Variants in LCK observed in about 807,000 individuals in gnomAD.
LCK encodes the protein tyrosine-protein kinase Lck.
In LCK, 14 loss-of-function variants were observed where a neutral mutation model predicts 64.6. The observed-to-expected ratio is 0.22, with a 90% CI of 0.14 to 0.34. The LOEUF (loss-of-function observed/expected upper bound fraction) is 0.34, where lower values mean the gene tolerates loss of function less well. LCK is among the 10% of genes least tolerant of loss of function. The pLI, the probability that LCK is intolerant of heterozygous loss-of-function variation, is 1.00. For synonymous variants in LCK, 277 were observed against 263.6 expected (o/e 1.05, Z -0.49); for missense variants, 434 against 668.1 (o/e 0.65, Z 3.86).
At chr1:32,284,513 G>A (rs1191971924) in intron 12 of LCK, among the ~76,000 whole-genome samples, 1 of 151,760 alleles carries the variant, frequency 6.6e-6, no homozygotes, top group Admixed American at 6.6e-5. Flanking sequence ...GGGACTACAG[G>A]CGCATACCAC....
chr1:32,276,326 C>A lies in LCK; in HGVS notation c.632-11C>A. 6.4e-7 allele frequency: 1 copy of A among 1,551,332 alleles called. No homozygotes were observed. Among genetic ancestry groups the A allele is most frequent in the Non-Finnish European group, 8.7e-7 (1 of 1,151,364 alleles). Reference sequence around the variant, plus strand: ...CTATTGACAGCCTTCACCCCTCCCTCGTCCTCGCAGATGCTTCAGATGGGC... The same window carrying A: ...CTATTGACAGCCTTCACCCCTCCCTAGTCCTCGCAGATGCTTCAGATGGGC... On this transcript the variant is annotated splice_polypyrimidine_tract_variant and intron_variant, in intron 7 of 12. Transcript: ENST00000336890. The surrounding 1 kb of genome is among the most constrained non-coding windows in gnomAD (Gnocchi z 4.6).
At chr1:32,259,392 G>A (rs1350767469) in intron 1 of LCK, among the ~76,000 whole-genome samples, 1 of 151,794 alleles carries the variant, frequency 6.6e-6, no homozygotes, top group Non-Finnish European at 1.5e-5. Context: ...GGCCAATGCA[G>A]GCAGATCACT....
chr1:32,271,110 T>C (rs113522682), intron 1 of LCK, among the ~76,000 whole-genome samples: 5,240 of 149,968 alleles, frequency 0.035, 304 homozygotes, highest in African/African-American at 0.12. Flanking sequence ...AAGTGATCTT[T>C]TTGCCTCAGC....
chr1:32,253,679 G>A (rs1480437310), intron 1 of LCK, among the ~76,000 whole-genome samples: 1 of 152,188 alleles, frequency 6.6e-6, no homozygotes, highest in Admixed American at 6.5e-5. Flanking sequence ...TGCCCACTCA[G>A]CACCTTGGTG....
At position 32,254,907 on chromosome 1, in the gene LCK, G is replaced by T. The variant is rs1173904163; in HGVS notation, c.-6+3536G>T. On this transcript the variant is annotated intron_variant, in intron 1 of 12. Coordinates refer to ENST00000336890, the MANE Select transcript of LCK (RefSeq NM_005356.5). ...CTCGCACCTGTAATCCTAGCACTTT[G>T]GGGGGCCGTGATGGGAGGATCACAT... Among the ~76,000 whole-genome samples the T allele has an allele frequency of 2.0e-5, 3 of 152,180 alleles. No homozygotes were observed. In the East Asian group the frequency reaches 5.8e-4, roughly 29 times the overall value.
intron 1 of LCK, among the ~76,000 whole-genome samples, chr1:32,266,803 CT>C (rs1639935921): frequency 2.4e-5 from 1 of 42,042 alleles, no homozygotes; most frequent in East Asian, 9.2e-4. Flanking sequence ...CTTCCCCCTC[CT>C]CCCCCTCCCC....
intron 9 of LCK, among the ~76,000 whole-genome samples, chr1:32,278,062 C>A (rs1028509291): frequency 3.9e-5 from 6 of 152,072 alleles, no homozygotes; most frequent in Admixed American, 3.9e-4. Flanking sequence ...GCCTGTAGTC[C>A]CAGCTACTTG....
At chr1:32,284,261 T>G (rs1557591560) in intron 12 of LCK, among the ~76,000 whole-genome samples, 1 of 149,042 alleles carries the variant, frequency 6.7e-6, no homozygotes, top group Non-Finnish European at 1.5e-5. Context: ...GATATATATA[T>G]ATATATATAT....
intron 1 of LCK, among the ~76,000 whole-genome samples, chr1:32,257,436 C>T (rs2124306825): frequency 6.6e-6 from 1 of 151,616 alleles, no homozygotes; most frequent in Admixed American, 6.6e-5. Flanking sequence ...TTTTTTTGTA[C>T]CGACGGGGTT....
At chr1:32,273,178 TG>T (rs1156818844) in intron 1 of LCK, among the ~76,000 whole-genome samples, 1 of 129,242 alleles carries the variant, frequency 7.7e-6, no homozygotes, top group East Asian at 2.5e-4. Flanking sequence ...GGGGCACTTG[TG>T]GAGGGTGAGT....
At chr1:32,285,093 A>G (rs989113641) in intron 12 of LCK, among the ~76,000 whole-genome samples, 5 of 152,120 alleles carry the variant, frequency 3.3e-5, no homozygotes, top group African/African-American at 1.2e-4. Flanking sequence ...ACCTGAGGTC[A>G]GGAGTTCAAG....
chr1:32,281,093 G>T (rs1391809046), intron 12 of LCK, among the ~76,000 whole-genome samples: 1 of 151,908 alleles, frequency 6.6e-6, no homozygotes, highest in Non-Finnish European at 1.5e-5. Flanking sequence ...ACAAAAGTTA[G>T]CCAGGTTTGG....
At chr1:32,263,182 G>GA (rs1639824781) in intron 1 of LCK, among the ~76,000 whole-genome samples, 4 of 151,738 alleles carry the variant, frequency 2.6e-5, no homozygotes, top group African/African-American at 9.7e-5. Context: ...ACTTGAGGTT[G>GA]GGAGTTCGAG....
At chr1:32,257,995 G>C (rs1639669920) in intron 1 of LCK, among the ~76,000 whole-genome samples, 1 of 151,922 alleles carries the variant, frequency 6.6e-6, no homozygotes, top group South Asian at 2.1e-4. Context: ...TTCAAAAAAG[G>C]TATTAAGCCA....
Position 32,275,772 on chromosome 1 carries a change from A to C in LCK, c.481+100A>C. ...GAGGTGGAGACACGGGGTGAGTCGG[A>C]GGGGGACGCGGGATGAGCCCGAGGT... On this transcript the variant is annotated intron_variant, in intron 6 of 12. Coordinates refer to ENST00000336890, the MANE Select transcript of LCK (RefSeq NM_005356.5). This position sits in a 1 kb window ranked among gnomAD's most constrained non-coding sequence, Gnocchi z 6.9. 2 of 1,213,210 alleles carry C rather than the reference A, an allele frequency of 1.6e-6. No homozygotes were observed. The highest frequency in any genetic ancestry group is 1.6e-5 in the South Asian group (1 of 60,688). The allele number at this position is 1,213,210 out of a possible 1,614,324, so 75.2% of individuals were successfully genotyped here.
chr1:32,255,491 C>A (rs1186990482), intron 1 of LCK, among the ~76,000 whole-genome samples: 1 of 152,184 alleles, frequency 6.6e-6, no homozygotes, highest in Non-Finnish European at 1.5e-5. Context: ...ATACAAAATA[C>A]CTCATCCTTT....
In LCK at chr1:32,279,653, T is replaced by C. The variant is rs1188604871; in HGVS notation, c.965-18T>C. ...CCCTGGGGCAACTTGGGCCAGCAACTCTTGCTTCTGCCCACAGGGAGTCTA... is the reference window on the plus strand; with the variant it reads ...CCCTGGGGCAACTTGGGCCAGCAACCCTTGCTTCTGCCCACAGGGAGTCTA... On this transcript the variant is annotated intron_variant, in intron 9 of 12. Coordinates refer to ENST00000336890, the MANE Select transcript of LCK (RefSeq NM_005356.5). The C allele has an allele frequency of 3.7e-6, 6 of 1,613,914 alleles. No homozygotes were observed. Among genetic ancestry groups the C allele is most frequent in the Non-Finnish European group, 5.1e-6 (6 of 1,179,836 alleles).
In LCK at chr1:32,276,427, C is replaced by T; in HGVS notation, c.722C>T (p.Pro241Leu). The T allele has an allele frequency of 6.2e-7, 1 of 1,612,654 alleles. No homozygotes were observed. Among genetic ancestry groups the T allele is most frequent in the Non-Finnish European group, 8.5e-7 (1 of 1,179,892 alleles). Residue 241 changes from proline (P) to leucine (L), a missense_variant, in exon 8 of 13, where the codon CCC becomes CTC. Pro to Leu is a moderately conservative substitution (Grantham distance 98). This residue lies in a region of LCK where 201 missense variants were observed against 376.9 expected (regional missense o/e 0.53). Coordinates refer to ENST00000336890, the MANE Select transcript of LCK (RefSeq NM_005356.5). This position sits in a 1 kb window ranked among gnomAD's most constrained non-coding sequence, Gnocchi z 4.6. ...TGGTGGGAGGACGAGTGGGAGGTTC[C>T]CAGGGAGACGCTGAAGCTGGTGGAG... Reference protein sequence around the residue: ...KPWWEDEWEVPRETLKLVERL... With the variant: ...KPWWEDEWEVLRETLKLVERL...
chr1:32,285,638 G>A lies in LCK; in HGVS notation c.1452G>A (p.Arg484=). The change falls in exon 13 of 13, where the codon CGG becomes CGA. Residue 484 remains arginine, a synonymous_variant. Coordinates refer to ENST00000336890, the MANE Select transcript of LCK (RefSeq NM_005356.5). The stretch of plus-strand genomic sequence containing the variant: ...GCTGGAAGGAGCGCCCAGAGGACCG[G>A]CCCACCTTTGACTACCTGCGCAGTG... ...RLCWKERPED[R]PTFDYLRSVL... 1 of 1,614,186 alleles carries A rather than the reference G, an allele frequency of 6.2e-7. No homozygotes were observed. Among genetic ancestry groups the A allele is most frequent in the Non-Finnish European group, 8.5e-7 (1 of 1,180,030 alleles).
Sources: gnomAD v4.1 joint callset for allele counts (sites outside exome capture counted in the v4.1 genomes callset) on GRCh38, gnomAD v4.1.1 for gene constraint, gnomAD v4.1.1 regional missense constraint, Gnocchi (gnomAD v3.1) non-coding constraint, MANE v1.5 for transcripts, NCBI Gene and HGNC (gene_info 2026-07-23, HGNC 2026-07-21) for gene names.